Variants in DNAAF5 observed in about 807,000 individuals in gnomAD.
DNAAF5 encodes HEAT repeat containing 2.
A neutral mutation model predicts 75.8 loss-of-function variants in DNAAF5; 64 were observed. The ratio of observed to expected loss-of-function variants is 0.84; its 90% CI spans 0.69 to 1.04. The LOEUF is 1.04. DNAAF5 is among the 50% of genes least tolerant of loss of function. DNAAF5 has a pLI of 0.00. For missense variants in DNAAF5, 1,269 were observed against 1,178.5 expected, an observed-to-expected ratio of 1.08 and a Z score of -1.12; for synonymous variants, 657 against 557.2, an observed-to-expected ratio of 1.18 and a Z score of -2.52.
intron 7 of DNAAF5, 50 bp downstream of exon 7, chr7:761,946 G>A (rs199731866): frequency 2.0e-5 from 30 of 1,534,248 alleles, no homozygotes; most frequent in Non-Finnish European, 9.7e-6. Context: ...GCTCACAGCT[G>A]GAAGGCATCT....
chr7:739,342 G>A (rs897344561), intron 2 of DNAAF5, among the ~76,000 whole-genome samples: 2 of 152,186 alleles, frequency 1.3e-5, no homozygotes, highest in Non-Finnish European at 2.9e-5. Context: ...GGCAGGTGTC[G>A]ACTGCATTAA....
At chr7:755,756 T>C (rs1319767409) in intron 5 of DNAAF5, among the ~76,000 whole-genome samples, 1 of 152,178 alleles carries the variant, frequency 6.6e-6, no homozygotes, top group Non-Finnish European at 1.5e-5. Context: ...ATCTAAATCA[T>C]TGTGACTGAT....
intron 2 of DNAAF5, 124 bp from the exon 3 acceptor site, chr7:740,695 C>A: frequency 7.2e-7 from 1 of 1,386,462 alleles, no homozygotes; most frequent in South Asian, 1.3e-5. Context: ...GTAGGTGGCC[C>A]AGGACCTGGC....
intron 4 of DNAAF5, among the ~76,000 whole-genome samples, chr7:751,785 G>C (rs7801722): frequency 0.23 from 34,916 of 151,674 alleles, 4,365 homozygotes; most frequent in South Asian, 0.31. Flanking sequence ...TGTTAGTCAG[G>C]GTGGTCTTGA....
chr7:774,281 G>GA, intron 10 of DNAAF5, 83 bp downstream of exon 10: 1 of 1,405,692 alleles, frequency 7.1e-7, no homozygotes, highest in East Asian at 2.5e-5. Context: ...CCCGCAGCAG[G>GA]AACTTGGGCA....
intron 11 of DNAAF5, 171 bp from the exon 12 acceptor site, chr7:779,782 C>CA: frequency 1.6e-6 from 1 of 614,016 alleles, no homozygotes; most frequent in Admixed American, 3.0e-5. Context: ...CCCAGGTCGC[C>CA]AGGAGCACCT....
chr7:775,511 G>GGTGTGTGTGT (rs10582414), intron 11 of DNAAF5, among the ~76,000 whole-genome samples: 21 of 150,616 alleles, frequency 1.4e-4, no homozygotes, highest in African/African-American at 4.9e-4. Context: ...TAAAAGTAGG[G>GGTGTGTGTGT]GTGTGTGTGT....
intron 9 of DNAAF5, chr7:772,868 C>T (rs536099567): frequency 6.6e-6 from 1 of 151,956 alleles, no homozygotes; most frequent in Admixed American, 6.5e-5. Flanking sequence ...GAACGTGCCT[C>T]ATTCAGTGGT....
intron 12 of DNAAF5, among the ~76,000 whole-genome samples, chr7:782,352 C>A (rs573121679): frequency 6.7e-6 from 1 of 148,510 alleles, no homozygotes; most frequent in Non-Finnish European, 1.5e-5. Context: ...CTCTTCGCGG[C>A]GTGGCCGCCT....
At chr7:759,898 A>T (rs956836203) in intron 6 of DNAAF5, among the ~76,000 whole-genome samples, 1 of 152,222 alleles carries the variant, frequency 6.6e-6, no homozygotes, top group Non-Finnish European at 1.5e-5. Context: ...ATGACAGGTC[A>T]TTCTAGAAAC....
At position 763,869 on chromosome 7, in the gene DNAAF5, C is replaced by G; in HGVS notation, c.1678C>G (p.Arg560Gly). 4 of 1,613,378 alleles carry G rather than the reference C, an allele frequency of 2.5e-6. 1 individual carries two copies. In the South Asian group the frequency reaches 4.4e-5, roughly 18 times the overall value. ...EGVSSCQDLYRKHIGPLLERV... is the reference protein window; with the variant it reads ...EGVSSCQDLYGKHIGPLLERV... Reference sequence around the variant, plus strand: ...TGTCAGCAGCTGCCAGGACCTCTACCGCAAGCACATTGGTCCCCTCCTGGA... The same window carrying G: ...TGTCAGCAGCTGCCAGGACCTCTACGGCAAGCACATTGGTCCCCTCCTGGA... The change falls in exon 8 of 13, where the codon CGC becomes GGC. Residue 560 changes from arginine (R) to glycine (G), a missense_variant. By Grantham distance (125) the Arg-to-Gly change is moderately radical. Coordinates refer to ENST00000297440, the MANE Select transcript of DNAAF5 (RefSeq NM_017802.4).
chr7:785,549 G>A lies in DNAAF5; in HGVS notation c.2464G>A (p.Asp822Asn). The change falls in exon 13 of 13, where the codon GAT (aspartate) becomes AAT (asparagine). Residue 822 changes from aspartate (D) to asparagine (N), a missense_variant. Transcript: ENST00000297440. The stretch of plus-strand genomic sequence containing the variant: ...CAAAGAGGGCAGCGGGCTGTTCCCA[G>A]ATCTCCTGGTGAGGGAGACGGAGGC... ...VLKEGSGLFP[D>N]LLVRETEAVI... 6.2e-7 allele frequency: 1 copy of A among 1,613,734 alleles called. No individual in the cohort carries two copies. Among genetic ancestry groups the A allele is most frequent in the Non-Finnish European group, 8.5e-7 (1 of 1,180,020 alleles).
At position 786,022 on chromosome 7, in the gene DNAAF5, C is replaced by A. The variant is rs188990134; in HGVS notation, c.*369C>A. 13 of 180,394 alleles carry A rather than the reference C, an allele frequency of 7.2e-5. No individual in the cohort carries two copies. Among genetic ancestry groups the A allele is most frequent in the Non-Finnish European group, 9.2e-5 (8 of 87,074 alleles). 11.2% of individuals were successfully genotyped at this position (180,394 alleles called of 1,614,324 possible). ...TAGGTGCCCACCAAGAAGGTTTTTA[C>A]CTACTTAACAAAAAAGAAAGAAGCC... On this transcript the variant is annotated 3_prime_UTR_variant, in exon 13 of 13. Coordinates refer to ENST00000297440, the MANE Select transcript of DNAAF5 (RefSeq NM_017802.4).
chr7:778,107 C>G (rs1583522355), intron 11 of DNAAF5: 1 of 152,280 alleles, frequency 6.6e-6, no homozygotes, highest in Non-Finnish European at 1.5e-5. Context: ...CACTCATTCT[C>G]TCACCTTTGC....
chr7:741,823 T>C (rs1781920681), intron 4 of DNAAF5, among the ~76,000 whole-genome samples: 2 of 152,174 alleles, frequency 1.3e-5, no homozygotes, highest in African/African-American at 4.8e-5. Flanking sequence ...CCTGGGCAGC[T>C]CTGCTGGTGG....
rs1195786330 is a variant in DNAAF5 at position 775,067 on chromosome 7, A to G, written c.2144A>G (p.Lys715Arg). 1 of 1,614,098 alleles carries G rather than the reference A, an allele frequency of 6.2e-7. No homozygotes were observed. The highest frequency in any genetic ancestry group is 8.5e-7 in the Non-Finnish European group (1 of 1,180,014). ...QVLTTLEEDS[K>R]MTRLISCRII... ...CTGACCACCCTGGAGGAGGATTCGAAGATGACGCGACTGATCTCATGCCGT... is the reference window on the plus strand; with the variant it reads ...CTGACCACCCTGGAGGAGGATTCGAGGATGACGCGACTGATCTCATGCCGT... Residue 715 changes from lysine (K) to arginine (R), a missense_variant, in exon 11 of 13, where the codon AAG becomes AGG. Coordinates refer to ENST00000297440, the MANE Select transcript of DNAAF5 (RefSeq NM_017802.4).
chr7:730,154 A>G (rs538253685), intron 2 of DNAAF5, among the ~76,000 whole-genome samples: 11 of 152,276 alleles, frequency 7.2e-5, no homozygotes, highest in South Asian at 6.2e-4. Flanking sequence ...CCATCCATCA[A>G]GACGCACTTT....
chr7:727,407 G>A (rs1361484772), intron 1 of DNAAF5, 92 bp downstream of exon 1: 1 of 624,168 alleles, frequency 1.6e-6, no homozygotes, highest in African/African-American at 2.7e-5. Context: ...CCGCGGCTCG[G>A]CCCCGCCCCC....
At position 726,770 on chromosome 7, in the gene DNAAF5, AG is replaced by A; in HGVS notation, c.55del (p.Ala19ProfsTer9). 7.9e-7 allele frequency: 1 copy of A among 1,261,738 alleles called. No individual in the cohort carries two copies. 78.2% of individuals were successfully genotyped at this position (1,261,738 alleles called of 1,614,324 possible). A position where few individuals can be genotyped will look rare whatever the true frequency, so the allele number is the denominator to read the frequency against. On this transcript the variant is annotated frameshift_variant, in exon 1 of 13. Transcript: ENST00000297440. LOFTEE classifies it high-confidence loss of function. ...GCCGTGGCGGCCCCACACCCGGCTG[AG>A]GGGGCCGAGACGGCTGAGGCGGTGG... is the stretch of plus-strand genomic sequence containing the variant. ...AEAVAAPHPAEGAETAEAVEL... is the reference protein window; with the variant it reads ...AEAVAAPHPAXGAETAEAVEL...
Sources: allele counts gnomAD v4.1 joint callset (sites outside exome capture counted in the v4.1 genomes callset), GRCh38; gene constraint gnomAD v4.1.1; transcripts MANE v1.5; gene names NCBI Gene and HGNC (gene_info 2026-07-23, HGNC 2026-07-21).